The following CSGALNACT1 variants were observed in gnomAD, a reference collection of about 807,000 sequenced individuals.
CSGALNACT1 encodes beta4GalNAcT-1.
Under a neutral mutation model 51.0 loss-of-function variants are expected in CSGALNACT1, and 52 were observed. The observed-to-expected ratio is 1.02, with a 90% CI of 0.82 to 1.29. The LOEUF (loss-of-function observed/expected upper bound fraction) is 1.29. CSGALNACT1 is among the 50% of genes most tolerant of loss of function. The probability of loss-of-function intolerance (pLI) is 0.00; values close to 1 mark genes in which losing one functional copy is unlikely to be tolerated. For synonymous variants in CSGALNACT1, 341 were observed against 254.4 expected (o/e 1.34, Z -3.24); for missense variants, 935 against 679.2 (o/e 1.38, Z -4.19).
At chr8:19,507,549 AAAAG>A (rs2077593624) in intron 3 of CSGALNACT1, among the ~76,000 whole-genome samples, 1 of 151,296 alleles carries the variant, frequency 6.6e-6, no homozygotes, top group Non-Finnish European at 1.5e-5. Context: ...AAAAAAAAAA[AAAAG>A]AATGATTAAT....
intron 4 of CSGALNACT1, among the ~76,000 whole-genome samples, chr8:19,480,146 T>G (rs1203576786): frequency 6.6e-6 from 1 of 152,234 alleles, no homozygotes; most frequent in Non-Finnish European, 1.5e-5. Context: ...CAGGGATACA[T>G]GTGCAGGTTT....
chr8:19,480,927 C>A (rs1450439404), intron 4 of CSGALNACT1, among the ~76,000 whole-genome samples: 1 of 152,156 alleles, frequency 6.6e-6, no homozygotes, highest in Non-Finnish European at 1.5e-5. Flanking sequence ...ACTCATTCCC[C>A]TCTTGTGCCC....
intron 6 of CSGALNACT1, among the ~76,000 whole-genome samples, chr8:19,426,320 T>C (rs2153710980): frequency 6.6e-6 from 1 of 152,284 alleles, no homozygotes. Context: ...AAAGAGGCTG[T>C]GACCAATGGA....
chr8:19,706,429 G>A (rs1485439403), intron 1 of CSGALNACT1, among the ~76,000 whole-genome samples: 2 of 152,172 alleles, frequency 1.3e-5, no homozygotes, highest in African/African-American at 2.4e-5. Context: ...TGGAGCCACG[G>A]CAGCCCATGA....
At chr8:19,571,363 T>A (rs1204538215) in intron 3 of CSGALNACT1, among the ~76,000 whole-genome samples, 1 of 151,956 alleles carries the variant, frequency 6.6e-6, no homozygotes, top group East Asian at 1.9e-4. Flanking sequence ...AGTCCTAGAA[T>A]TCTAGAGTGG....
intron 3 of CSGALNACT1, among the ~76,000 whole-genome samples, chr8:19,563,020 A>T (rs766689800): frequency 1.3e-5 from 2 of 152,232 alleles, no homozygotes; most frequent in Non-Finnish European, 2.9e-5. Context: ...AAGACATAGA[A>T]TCAACCCAAA....
chr8:19,526,518 G>A (rs1587842447), intron 3 of CSGALNACT1, among the ~76,000 whole-genome samples: 1 of 152,174 alleles, frequency 6.6e-6, no homozygotes, highest in Non-Finnish European at 1.5e-5. Context: ...GGGAGGCGGA[G>A]GTTGCAGTGA....
At chr8:19,545,793 C>T (rs954962704) in intron 3 of CSGALNACT1, among the ~76,000 whole-genome samples, 5 of 148,208 alleles carry the variant, frequency 3.4e-5, no homozygotes, top group African/African-American at 1.2e-4. Flanking sequence ...TAAACACACA[C>T]ATTATATATC....
intron 4 of CSGALNACT1, among the ~76,000 whole-genome samples, chr8:19,501,163 T>C (rs900994415): frequency 7.4e-6 from 1 of 134,332 alleles, no homozygotes; most frequent in African/African-American, 2.9e-5. Context: ...GGCAGGAGAA[T>C]CCCCCGAAAC....
chr8:19,627,507 A>G (rs2054600356), intron 1 of CSGALNACT1, among the ~76,000 whole-genome samples: 1 of 152,076 alleles, frequency 6.6e-6, no homozygotes, highest in African/African-American at 2.4e-5. Flanking sequence ...TCATAAAACT[A>G]TACACACACA....
chr8:19,461,421 C>A (rs1331251880), intron 4 of CSGALNACT1, among the ~76,000 whole-genome samples: 2 of 152,000 alleles, frequency 1.3e-5, no homozygotes, highest in East Asian at 3.8e-4. Context: ...AGGGTGTATC[C>A]ACACAGCACC....
intron 6 of CSGALNACT1, among the ~76,000 whole-genome samples, chr8:19,425,003 C>T (rs1006802111): frequency 2.0e-5 from 3 of 152,218 alleles, no homozygotes; most frequent in Non-Finnish European, 2.9e-5. Context: ...GGACCCCAAA[C>T]TCACCATGCC....
At chr8:19,515,363 C>T (rs1030970354) in intron 3 of CSGALNACT1, among the ~76,000 whole-genome samples, 7 of 152,194 alleles carry the variant, frequency 4.6e-5, no homozygotes, top group Non-Finnish European at 1.5e-5. Flanking sequence ...GTCCCCCTAT[C>T]TGCAGACTCA....
intron 4 of CSGALNACT1, among the ~76,000 whole-genome samples, chr8:19,468,403 C>T (rs1186219596): frequency 1.3e-5 from 2 of 152,152 alleles, no homozygotes; most frequent in East Asian, 3.9e-4. Context: ...GGGGTCACAT[C>T]ATGTGGATCC....
At chr8:19,558,948 T>G (rs1047807001) in intron 3 of CSGALNACT1, among the ~76,000 whole-genome samples, 9 of 152,188 alleles carry the variant, frequency 5.9e-5, no homozygotes, top group African/African-American at 2.2e-4. Context: ...TGAACATAAT[T>G]TGAACTTTCC....
At chr8:19,730,343 G>A (rs1259651396) in intron 1 of CSGALNACT1, among the ~76,000 whole-genome samples, 2 of 152,160 alleles carry the variant, frequency 1.3e-5, no homozygotes. Flanking sequence ...ATTTGAAAAT[G>A]CGGCCACTAA....
chr8:19,611,381 A>G (rs115839863), intron 1 of CSGALNACT1, among the ~76,000 whole-genome samples: 3 of 152,222 alleles, frequency 2.0e-5, no homozygotes, highest in Non-Finnish European at 2.9e-5. Flanking sequence ...AGAAATAGTT[A>G]TAACTTCCTT....
At chr8:19,615,699 G>A (rs1483389510) in intron 1 of CSGALNACT1, among the ~76,000 whole-genome samples, 1 of 152,140 alleles carries the variant, frequency 6.6e-6, no homozygotes, top group African/African-American at 2.4e-5. Context: ...CCAATTATAT[G>A]CTGTTTACAA....
chr8:19,644,605 G>A (rs544653739), intron 1 of CSGALNACT1, among the ~76,000 whole-genome samples: 1 of 149,722 alleles, frequency 6.7e-6, no homozygotes, highest in African/African-American at 2.5e-5. Flanking sequence ...AGCTACTTGG[G>A]AGACTGAGAC....
Sources: gnomAD v4.1 joint callset for allele counts (sites outside exome capture counted in the v4.1 genomes callset) on GRCh38, gnomAD v4.1.1 for gene constraint, MANE v1.5 for transcripts, NCBI Gene and HGNC (gene_info 2026-07-23, HGNC 2026-07-21) for gene names.